Variants in MELTF observed in about 807,000 individuals in gnomAD.
MELTF encodes the protein antigen p97 (melanoma associated) identified by monoclonal antibodies 133.2 and 96.5.
A neutral mutation model predicts 83.7 loss-of-function variants in MELTF; 67 were observed. The ratio of observed to expected loss-of-function variants is 0.80; its 90% CI spans 0.66 to 0.98. MELTF has a LOEUF of 0.98. Ranked by LOEUF, MELTF falls within the 50% of genes least tolerant of loss-of-function variation. The pLI is 0.00. For missense variants in MELTF, 1,002 were observed against 1,035.6 expected, an observed-to-expected ratio of 0.97 and a Z score of 0.44; for synonymous variants, 462 against 447.6, an observed-to-expected ratio of 1.03 and a Z score of -0.41.
At chr3:197,014,491 G>A (rs548650640) in intron 9 of MELTF, among the ~76,000 whole-genome samples, 118 of 147,470 alleles carry the variant, frequency 8.0e-4, no homozygotes, top group Admixed American at 1.6e-3. Context: ...GGGTCCAAGC[G>A]ATTCTCCTGC....
intron 4 of MELTF, 81 bp from the exon 5 acceptor site, chr3:197,023,194 G>A (rs1719701511): frequency 4.2e-6 from 6 of 1,438,570 alleles, no homozygotes; most frequent in Non-Finnish European, 5.8e-6. Flanking sequence ...CAGGGGGCCC[G>A]GGCTCTCATC....
Position 197,003,735 on chromosome 3 carries a change from G to T in MELTF, c.2137+166C>A, listed in dbSNP as rs1387598096. The T allele has an allele frequency of 1.3e-6, 1 of 775,864 alleles. No homozygotes were observed. The highest frequency in any genetic ancestry group is 2.0e-6 in the Non-Finnish European group (1 of 496,478). 48.1% of individuals were successfully genotyped at this position (775,864 alleles called of 1,614,324 possible). A position where few individuals can be genotyped will look rare whatever the true frequency, so the allele number is the denominator to read the frequency against. ...GACCCGCCGGGCTCCCGCCCTCCCG[G>T]CCCGCAGCCTCCTGGCCAAAATCCT... On this transcript the variant is annotated intron_variant, in intron 15 of 15. Transcript: ENST00000296350. The surrounding 1 kb of genome is among the most constrained non-coding windows in gnomAD (Gnocchi z 6.2).
rs1312369398 is a variant in MELTF at position 197,027,899 on chromosome 3, T to A, written c.61A>T (p.Met21Leu). Residue 21 changes from methionine to leucine, a missense_variant, in exon 2 of 16, where the codon ATG becomes TTG. Physicochemically the swap from Met to Leu is conservative, Grantham distance 15. Coordinates refer to ENST00000296350, the MANE Select transcript of MELTF (RefSeq NM_005929.6). ...GAGGTGGCGCACCACCGCACCTCCA[T>A]GCCACCGAGCACTGCGGGCAGGGGA... is the stretch of plus-strand genomic sequence containing the variant. The part of the protein sequence containing the change: ...LLALRTVLGG[M>L]EVRWCATSDP... The A allele has an allele frequency of 6.3e-7, 1 of 1,594,624 alleles. No homozygotes were observed. Among genetic ancestry groups the A allele is most frequent in the East Asian group, 2.3e-5 (1 of 44,368 alleles).
intron 8 of MELTF, among the ~76,000 whole-genome samples, 165 bp from the exon 9 acceptor site, chr3:197,015,681 T>C (rs1485431855): frequency 6.6e-6 from 1 of 152,178 alleles, no homozygotes; most frequent in African/African-American, 2.4e-5. Flanking sequence ...GGGGCAACTG[T>C]GAGGCCTGAG....
intron 6 of MELTF, chr3:197,019,010 G>C: frequency 1.0e-6 from 1 of 985,330 alleles, no homozygotes. Flanking sequence ...CCTCTACAAG[G>C]AAATAGGAAG....
chr3:197,003,970 G>C lies in MELTF; in HGVS notation c.2068C>G (p.Arg690Gly), dbSNP rs1718881396. 1.2e-6 allele frequency: 2 copies of C among 1,614,170 alleles called. No homozygotes were observed. The highest frequency in any genetic ancestry group is 2.2e-5 in the South Asian group (2 of 91,090). ...ACGTAGTCCAGCCCCAGCCAGCCGCGGTAGGTGGTTTTCTCTCCGACAGGC... is the reference window on the plus strand; with the variant it reads ...ACGTAGTCCAGCCCCAGCCAGCCGCCGTAGGTGGTTTTCTCTCCGACAGGC... ...AVPVGEKTTY[R>G]GWLGLDYVAA... Residue 690 changes from arginine to glycine, a missense_variant, in exon 15 of 16, where the codon CGC becomes GGC. Transcript: ENST00000296350. This position sits in a 1 kb window ranked among gnomAD's most constrained non-coding sequence, Gnocchi z 6.2.
chr3:197,010,032 G>A (rs1560212926), intron 10 of MELTF, among the ~76,000 whole-genome samples: 1 of 152,230 alleles, frequency 6.6e-6, no homozygotes, highest in Non-Finnish European at 1.5e-5. Flanking sequence ...CCACTTTCCA[G>A]CCTTGTCTTC....
intron 7 of MELTF, 77 bp downstream of exon 7, chr3:197,017,026 T>C: frequency 2.7e-6 from 4 of 1,495,614 alleles, no homozygotes; most frequent in Non-Finnish European, 3.6e-6. Context: ...CCCCTCCTGG[T>C]CCCACCCTGC....
chr3:197,015,290 T>C, intron 9 of MELTF, 75 bp downstream of exon 9: 3 of 1,441,162 alleles, frequency 2.1e-6, no homozygotes, highest in Non-Finnish European at 2.8e-6. Context: ...CAGCAGGGGG[T>C]GTGGGTAGTA....
rs1233077689 is a variant in MELTF, at chr3:197,008,801, C to G, written c.1682+8G>C. 6.2e-7 allele frequency: 1 copy of G among 1,613,934 alleles called. No individual in the cohort carries two copies. The highest frequency in any genetic ancestry group is 1.3e-5 in the African/African-American group (1 of 74,924). ...ACACAGCCCCAGACTGCCAGGCCAC[C>G]CGGGTACCTGAAGGCGCCGCGGTAG... is the stretch of plus-strand genomic sequence containing the variant. On this transcript the variant is annotated splice_region_variant and intron_variant, in intron 12 of 15. Coordinates refer to ENST00000296350, the MANE Select transcript of MELTF (RefSeq NM_005929.6). The surrounding 1 kb of genome is among the most constrained non-coding windows in gnomAD (Gnocchi z 5.4).
Position 197,006,937 on chromosome 3 carries a change from G to A in MELTF, c.1751-201C>T, listed in dbSNP as rs568931671. Among the ~76,000 whole-genome samples the A allele has an allele frequency of 2.6e-5, 4 of 152,302 alleles. No homozygotes were observed. The South Asian group carries it at 6.2e-4, about 24-fold the overall frequency. On this transcript the variant is annotated intron_variant, in intron 13 of 15. Coordinates refer to ENST00000296350, the MANE Select transcript of MELTF (RefSeq NM_005929.6). The surrounding 1 kb of genome is among the most constrained non-coding windows in gnomAD (Gnocchi z 5.4). ...CCAGCTGTGTTCATGCCATTAGCAGGAGCTGCCATTAATTAGCAGGGAGTA... is the reference window on the plus strand; with the variant it reads ...CCAGCTGTGTTCATGCCATTAGCAGAAGCTGCCATTAATTAGCAGGGAGTA...
chr3:197,019,343 C>A, intron 6 of MELTF: 1 of 1,143,784 alleles, frequency 8.7e-7, no homozygotes. Context: ...CCTGTCACTT[C>A]CCTGCTTTAG....
intron 3 of MELTF, 86 bp downstream of exon 3, chr3:197,026,574 C>T (rs1719863004): frequency 6.5e-6 from 8 of 1,228,942 alleles, no homozygotes; most frequent in Non-Finnish European, 9.5e-6. Flanking sequence ...GGCTGATGGC[C>T]AGCTCAGGCC....
rs763657040 is a variant in MELTF at position 197,027,756 on chromosome 3, C to T, written c.204G>A (p.Ala68=). Residue 68 remains alanine, a splice_region_variant and synonymous_variant, in exon 2 of 16, where the codon GCG becomes GCA. Coordinates refer to ENST00000296350, the MANE Select transcript of MELTF (RefSeq NM_005929.6). The stretch of plus-strand genomic sequence containing the variant: ...GCAGGGTGGAAGGGAGAGGACTCAC[C>T]GCGATGAGCTGGACGCAGTGGTCGG... ...TSADHCVQLI[A]AQEADAITLD... 4.4e-5 allele frequency: 71 copies of T among 1,604,810 alleles called. No homozygotes were observed. The highest frequency in any genetic ancestry group is 5.4e-5 in the Non-Finnish European group (63 of 1,174,766).
In MELTF at chr3:197,021,408, C is replaced by T. The variant is rs144596866; in HGVS notation, c.708G>A (p.Thr236=). ...CCGTGCCCCTCCCCCACTCACCATC[C>T]GTGTTCTCCAGTACCGTGCTGTGCT... ...FVKHSTVLEN[T]DGKTLPSWGQ... is the part of the protein sequence containing the mutation. The change falls in exon 6 of 16, where the codon ACG becomes ACA. Residue 236 remains threonine (T), a synonymous_variant. Transcript: ENST00000296350. 42 of 1,613,956 alleles carry T rather than the reference C, an allele frequency of 2.6e-5. No homozygotes were observed. Among genetic ancestry groups the T allele is most frequent in the Middle Eastern group, 1.6e-4 (1 of 6,084 alleles).
intron 6 of MELTF, chr3:197,018,967 A>G (rs1050766539): frequency 1.0e-6 from 1 of 985,314 alleles, no homozygotes; most frequent in African/African-American, 1.7e-5. Flanking sequence ...ACATAACAAT[A>G]TTTTTATGAC....
chr3:197,019,239 T>C, intron 6 of MELTF: 1 of 1,017,878 alleles, frequency 9.8e-7, no homozygotes, highest in Non-Finnish European at 1.2e-6. Context: ...TGGTTAGAGC[T>C]CTGGGGCATC....
Position 197,002,034 on chromosome 3 carries a change from C to T in MELTF, c.*1338G>A, listed in dbSNP as rs1718749040. On this transcript the variant is annotated 3_prime_UTR_variant, in exon 16 of 16. Coordinates refer to ENST00000296350, the MANE Select transcript of MELTF (RefSeq NM_005929.6). Reference sequence around the variant, plus strand: ...CCCCCCACAGCGAGAGGGGACAAAGCTTGGTGGCCGAGGCCCAGGTCCTTG... The same window carrying T: ...CCCCCCACAGCGAGAGGGGACAAAGTTTGGTGGCCGAGGCCCAGGTCCTTG... 1 of 152,302 alleles carries T rather than the reference C, an allele frequency of 6.6e-6. No homozygotes were observed. The highest frequency in any genetic ancestry group is 2.4e-5 in the African/African-American group (1 of 41,478). The allele number at this position is 152,302 out of a possible 1,614,324, so 9.4% of individuals were successfully genotyped here. A position where few individuals can be genotyped will look rare whatever the true frequency, so the allele number is the denominator to read the frequency against.
At chr3:197,021,214 C>T (rs9859886) in intron 6 of MELTF, 190 bp downstream of exon 6, 137,860 of 584,934 alleles carry the variant, frequency 0.24, 16,851 homozygotes, top group Admixed American at 0.34. Context: ...CTGGTGACAC[C>T]TGCCTCTGCT....
Sources: gnomAD v4.1 joint callset for allele counts (sites outside exome capture counted in the v4.1 genomes callset) on GRCh38, gnomAD v4.1.1 for gene constraint, Gnocchi (gnomAD v3.1) non-coding constraint, MANE v1.5 for transcripts, NCBI Gene and HGNC (gene_info 2026-07-23, HGNC 2026-07-21) for gene names.